QTMAN: variants seen among roughly 807,000 people sequenced by gnomAD.
The protein encoded by QTMAN is tRNA-queuosine alpha-mannosyltransferase.
the QTMAN span, among the ~76,000 whole-genome samples, chr2:144,001,754 A>C: frequency 6.6e-6 from 1 of 151,770 alleles, no homozygotes; most frequent in Non-Finnish European, 1.5e-5. Context: ...GTTGAGGCAA[A>C]TTGTGTTTGG....
the QTMAN span, among the ~76,000 whole-genome samples, chr2:144,014,209 A>T: frequency 6.6e-6 from 1 of 152,216 alleles, no homozygotes; most frequent in Admixed American, 6.5e-5. Flanking sequence ...GCACATGTCT[A>T]TGAAGGATGT....
At chr2:144,159,417 G>C in the QTMAN span, among the ~76,000 whole-genome samples, 2 of 152,028 alleles carry the variant, frequency 1.3e-5, no homozygotes, top group Non-Finnish European at 2.9e-5. Context: ...ACTGTAAGAT[G>C]AAACTGCATT....
At chr2:144,071,385 T>A in the QTMAN span, among the ~76,000 whole-genome samples, 1 of 152,180 alleles carries the variant, frequency 6.6e-6, no homozygotes, top group African/African-American at 2.4e-5. Flanking sequence ...ATGAATTATT[T>A]AAAATTAATC....
At chr2:144,200,865 A>G in the QTMAN span, among the ~76,000 whole-genome samples, 1 of 152,210 alleles carries the variant, frequency 6.6e-6, no homozygotes, top group African/African-American at 2.4e-5. Context: ...TTCTATGTAG[A>G]AGAGATGATA....
chr2:144,233,806 C>T, the QTMAN span, among the ~76,000 whole-genome samples: 1 of 152,098 alleles, frequency 6.6e-6, no homozygotes. Context: ...AACTGCCTAA[C>T]AAAATTAATG....
At chr2:144,219,294 C>G in the QTMAN span, among the ~76,000 whole-genome samples, 5 of 152,186 alleles carry the variant, frequency 3.3e-5, no homozygotes, top group South Asian at 1.0e-3. Context: ...CCATGCTTGG[C>G]TAATTTTTGT....
At chr2:143,951,967 C>A in the QTMAN span, 1 of 1,280,562 alleles carries the variant, frequency 7.8e-7, no homozygotes, top group African/African-American at 1.5e-5. Context: ...ATGTAAATCT[C>A]TTCTCAATAA....
chr2:144,202,904 A>C, the QTMAN span, among the ~76,000 whole-genome samples: 13 of 152,216 alleles, frequency 8.5e-5, no homozygotes, highest in Non-Finnish European at 1.9e-4. Context: ...TGAAGCGCTT[A>C]ACTCCTGGGA....
At chr2:144,052,546 CAGAA>C in the QTMAN span, among the ~76,000 whole-genome samples, 2 of 152,158 alleles carry the variant, frequency 1.3e-5, no homozygotes, top group Non-Finnish European at 2.9e-5. Context: ...AACTGAGACA[CAGAA>C]AGGTTAAGTA....
chr2:144,098,116 T>C, the QTMAN span, among the ~76,000 whole-genome samples: 5 of 152,192 alleles, frequency 3.3e-5, no homozygotes, highest in Admixed American at 3.3e-4. Context: ...CACACTGAAT[T>C]GACAATGAGT....
chr2:144,003,598 T>A, the QTMAN span, among the ~76,000 whole-genome samples: 7 of 152,002 alleles, frequency 4.6e-5, no homozygotes, highest in South Asian at 2.1e-4. Flanking sequence ...TAAAATACTG[T>A]CAGTTATTTA....
the QTMAN span, among the ~76,000 whole-genome samples, chr2:144,293,224 C>T: frequency 6.6e-6 from 1 of 151,908 alleles, no homozygotes; most frequent in African/African-American, 2.4e-5. Context: ...AGAGAAAAAC[C>T]ATAGAGATGC....
the QTMAN span, among the ~76,000 whole-genome samples, chr2:144,217,501 A>T: frequency 6.6e-6 from 1 of 152,124 alleles, no homozygotes; most frequent in Non-Finnish European, 1.5e-5. Flanking sequence ...CTATAAATTA[A>T]TATATTAATT....
At chr2:144,304,163 T>A in the QTMAN span, among the ~76,000 whole-genome samples, 4 of 152,082 alleles carry the variant, frequency 2.6e-5, no homozygotes, top group East Asian at 5.8e-4. Flanking sequence ...AATAGAAGAG[T>A]AGACGGACTT....
the QTMAN span, among the ~76,000 whole-genome samples, chr2:143,963,455 AT>A: frequency 1.3e-5 from 2 of 151,052 alleles, no homozygotes; most frequent in Non-Finnish European, 3.0e-5. Context: ...TACAAGTTGT[AT>A]TTCTGCTTCT....
the QTMAN span, among the ~76,000 whole-genome samples, chr2:144,253,880 G>A: frequency 1.3e-5 from 2 of 152,298 alleles, no homozygotes; most frequent in African/African-American, 4.8e-5. Flanking sequence ...GCATGTTAGA[G>A]ACCTTCTCAA....
chr2:144,226,159 A>C, the QTMAN span, among the ~76,000 whole-genome samples: 1 of 152,230 alleles, frequency 6.6e-6, no homozygotes, highest in African/African-American at 2.4e-5. Flanking sequence ...GAATAGAAAG[A>C]TAAAGACAGT....
the QTMAN span, among the ~76,000 whole-genome samples, chr2:144,136,901 T>C: frequency 6.6e-6 from 1 of 152,180 alleles, no homozygotes; most frequent in Non-Finnish European, 1.5e-5. Context: ...AAATCTGTTT[T>C]GTTGACCACC....
chr2:144,276,756 T>C, the QTMAN span, among the ~76,000 whole-genome samples: 1 of 152,144 alleles, frequency 6.6e-6, no homozygotes, highest in Admixed American at 6.5e-5. Flanking sequence ...TGGTAGGGAT[T>C]AACTGCAATG....
Sources: gnomAD v4.1 joint callset for allele counts (sites outside exome capture counted in the v4.1 genomes callset) on GRCh38, gnomAD v4.1.1 for gene constraint, MANE v1.5 for transcripts, NCBI Gene and HGNC (gene_info 2026-07-23, HGNC 2026-07-21) for gene names.